ATP5F1C: variants seen among roughly 807,000 people sequenced by gnomAD.
ATP5F1C encodes ATP synthase F(1) complex subunit gamma, mitochondrial.
Under a neutral mutation model 37.4 loss-of-function variants are expected in ATP5F1C, and 22 were observed. The observed-to-expected ratio is 0.59, with a 90% CI of 0.42 to 0.84. ATP5F1C has a LOEUF of 0.84. ATP5F1C is among the 40% of genes least tolerant of loss of function. ATP5F1C has a pLI of 0.00. For missense variants in ATP5F1C, 286 were observed against 362.4 expected (o/e 0.79, Z 1.71); for synonymous variants, 121 against 128.0 (o/e 0.95, Z 0.37).
chr10:7,807,455 CATT>C (rs1465097271), intron 9 of ATP5F1C, among the ~76,000 whole-genome samples: 1 of 152,178 alleles, frequency 6.6e-6, no homozygotes, highest in Non-Finnish European at 1.5e-5. Flanking sequence ...GGCAAAATAA[CATT>C]ATCATGAAAA....
chr10:7,788,637 GGTGAC>G (rs1449152274), intron 1 of ATP5F1C, among the ~76,000 whole-genome samples: 1 of 152,202 alleles, frequency 6.6e-6, no homozygotes, highest in African/African-American at 2.4e-5. Flanking sequence ...GGGCCTGCAA[GGTGAC>G]GGGAGCCTGA....
intron 9 of ATP5F1C, 107 bp downstream of exon 9, chr10:7,807,117 G>A (rs1355579677): frequency 4.8e-5 from 52 of 1,083,356 alleles, no homozygotes; most frequent in Non-Finnish European, 6.6e-5. Flanking sequence ...GATTTAGATG[G>A]ATGGGCCACT....
chr10:7,807,129 C>T (rs990903325), intron 9 of ATP5F1C, 119 bp downstream of exon 9: 5 of 935,874 alleles, frequency 5.3e-6, no homozygotes, highest in Non-Finnish European at 4.7e-6. Context: ...TGGGCCACTT[C>T]ACAGTAGCAG....
intron 1 of ATP5F1C, among the ~76,000 whole-genome samples, chr10:7,790,053 C>T (rs1836138100): frequency 6.6e-6 from 1 of 152,194 alleles, no homozygotes; most frequent in Admixed American, 6.5e-5. Flanking sequence ...TCATGTATTC[C>T]TTCACTGCTG....
At chr10:7,789,249 G>A (rs1836115403) in intron 1 of ATP5F1C, among the ~76,000 whole-genome samples, 1 of 152,016 alleles carries the variant, frequency 6.6e-6, no homozygotes, top group Admixed American at 6.5e-5. Flanking sequence ...ACAGTGTGGA[G>A]GATTTCTAAG....
intron 1 of ATP5F1C, among the ~76,000 whole-genome samples, chr10:7,790,682 A>G (rs1836148573): frequency 6.6e-6 from 1 of 152,228 alleles, no homozygotes; most frequent in Non-Finnish European, 1.5e-5. Flanking sequence ...GTATGAAGAG[A>G]GAGACTCTGT....
At position 7,796,139 on chromosome 10, in the gene ATP5F1C, G is replaced by T; in HGVS notation, c.75G>T (p.Met25Ile). The change falls in exon 2 of 10, where the codon ATG (methionine) becomes ATT (isoleucine). Residue 25 changes from methionine to isoleucine, a missense_variant. Transcript: ENST00000356708. ...LQPQWIQVRN[M>I]ATLKDITRRL... ...TCCTCAGGATTCAAGTTCGAAATAT[G>T]GCAACTTTGAAAGATAGTAAGTATG... The T allele has an allele frequency of 6.3e-7, 1 of 1,587,348 alleles. No individual in the cohort carries two copies. Among genetic ancestry groups the T allele is most frequent in the South Asian group, 1.2e-5 (1 of 84,784 alleles).
chr10:7,797,262 G>C (rs1981015), intron 3 of ATP5F1C, 84 bp downstream of exon 3: 96,397 of 1,538,794 alleles, frequency 0.063, 3,710 homozygotes, highest in Admixed American at 0.17. Context: ...AGAGCTTACA[G>C]TGATGTCAAG....
At chr10:7,803,643 AG>A (rs1836418847) in intron 8 of ATP5F1C, among the ~76,000 whole-genome samples, 1 of 152,216 alleles carries the variant, frequency 6.6e-6, no homozygotes, top group Non-Finnish European at 1.5e-5. Context: ...TATGAAAAAA[AG>A]GTTAAGATAA....
intron 1 of ATP5F1C, among the ~76,000 whole-genome samples, chr10:7,795,381 AT>A (rs1460582708): frequency 6.6e-6 from 1 of 152,266 alleles, no homozygotes; most frequent in South Asian, 2.1e-4. Context: ...ATCATCTAAT[AT>A]TTTTTAGCAT....
At position 7,799,125 on chromosome 10, in the gene ATP5F1C, C is replaced by T. The variant is rs1836300642; in HGVS notation, c.359C>T (p.Thr120Ile). Residue 120 changes from threonine to isoleucine, a missense_variant, in exon 4 of 10, where the codon ACA becomes ATA. By Grantham distance (89) the Thr-to-Ile change is moderately conservative. Transcript: ENST00000356708. ...IAKQMKSEVA[T>I]LTAAGKEVML... ...AAACAGATGAAAAGCGAGGTTGCTA[C>T]ACTAACAGCAGCTGGGAAAGAAGTT... 1 of 1,613,846 alleles carries T rather than the reference C, an allele frequency of 6.2e-7. No homozygotes were observed. Among genetic ancestry groups the T allele is most frequent in the East Asian group, 2.2e-5 (1 of 44,882 alleles).
chr10:7,796,975 A>G, intron 2 of ATP5F1C, 72 bp from the exon 3 acceptor site: 1 of 1,535,064 alleles, frequency 6.5e-7, no homozygotes. Flanking sequence ...ACTTCAGAAA[A>G]ATATGTCAAT....
chr10:7,800,074 A>G lies in ATP5F1C; in HGVS notation c.620A>G (p.Asn207Ser), dbSNP rs1836325127. 2 of 1,614,038 alleles carry G rather than the reference A, an allele frequency of 1.2e-6. No homozygotes were observed. The highest frequency in any genetic ancestry group is 1.7e-6 in the Non-Finnish European group (2 of 1,180,010). The change falls in exon 6 of 10, where the codon AAT becomes AGT. Residue 207 changes from asparagine to serine, a missense_variant. By Grantham distance (46) the Asn-to-Ser change is conservative. Coordinates refer to ENST00000356708, the MANE Select transcript of ATP5F1C (RefSeq NM_001001973.3). ...KTEEKPIFSL[N>S]TVASADSMSI... ...GAAGAAAAGCCCATCTTTTCCCTTAATACCGTTGCAAGTGCTGGTAAGTAG... is the reference window on the plus strand; with the variant it reads ...GAAGAAAAGCCCATCTTTTCCCTTAGTACCGTTGCAAGTGCTGGTAAGTAG...
intron 3 of ATP5F1C, among the ~76,000 whole-genome samples, 171 bp from the exon 4 acceptor site, chr10:7,798,819 C>T (rs1836292384): frequency 6.6e-6 from 1 of 152,248 alleles, no homozygotes. Flanking sequence ...GCGTGAGCCA[C>T]TGTGCCCGGC....
chr10:7,798,410 G>A (rs985594549), intron 3 of ATP5F1C, among the ~76,000 whole-genome samples: 2 of 151,016 alleles, frequency 1.3e-5, no homozygotes, highest in Non-Finnish European at 3.0e-5. Context: ...GCTAATTTTT[G>A]TATTTTTTTT....
At chr10:7,797,711 GAT>G (rs1341161129) in intron 3 of ATP5F1C, among the ~76,000 whole-genome samples, 1 of 152,140 alleles carries the variant, frequency 6.6e-6, no homozygotes, top group Non-Finnish European at 1.5e-5. Flanking sequence ...TATGACTCAT[GAT>G]GGTGTTTTGA....
At chr10:7,797,205 T>G (rs1260208920) in intron 3 of ATP5F1C, 27 bp downstream of exon 3, 22 of 1,607,644 alleles carry the variant, frequency 1.4e-5, no homozygotes, top group Non-Finnish European at 1.8e-5. Flanking sequence ...ATTCACAAAT[T>G]AGGAAGAACT....
chr10:7,791,347 G>C (rs561159968), intron 1 of ATP5F1C, among the ~76,000 whole-genome samples: 62 of 152,212 alleles, frequency 4.1e-4, no homozygotes, highest in African/African-American at 1.4e-3. Context: ...GGTTAGGTAA[G>C]TGTGAAGGAG....
At chr10:7,793,943 G>A (rs1047500427) in intron 1 of ATP5F1C, among the ~76,000 whole-genome samples, 9 of 152,134 alleles carry the variant, frequency 5.9e-5, no homozygotes, top group South Asian at 2.1e-4. Context: ...AGGTCTTAAC[G>A]TCAGGTAGTG....
Sources: gnomAD v4.1 joint callset for allele counts (sites outside exome capture counted in the v4.1 genomes callset) on GRCh38, gnomAD v4.1.1 for gene constraint, MANE v1.5 for transcripts, NCBI Gene and HGNC (gene_info 2026-07-23, HGNC 2026-07-21) for gene names.